The following CAST variants were observed in gnomAD, a reference collection of about 807,000 sequenced individuals.
CAST encodes MIR583 host.
In CAST, 76 loss-of-function variants were observed where a neutral mutation model predicts 119.6. The observed-to-expected ratio is 0.64, with a 90% CI of 0.53 to 0.77. The LOEUF (loss-of-function observed/expected upper bound fraction) is 0.77. CAST is among the 30% of genes least tolerant of loss of function. CAST has a pLI of 0.00. For synonymous variants in CAST, 319 were observed against 331.6 expected, an observed-to-expected ratio of 0.96 and a Z score of 0.41; for missense variants, 953 against 946.5, an observed-to-expected ratio of 1.01 and a Z score of -0.09.
the CAST span, among the ~76,000 whole-genome samples, chr5:96,368,990 T>C: frequency 6.6e-6 from 1 of 152,030 alleles, no homozygotes; most frequent in Non-Finnish European, 1.5e-5. Context: ...CTTTTCTTTG[T>C]GGTTAGAATT....
upstream of CAST, among the ~76,000 whole-genome samples, chr5:96,523,781 C>T (rs975292988): frequency 2.0e-5 from 3 of 152,238 alleles, no homozygotes; most frequent in Admixed American, 1.3e-4. Flanking sequence ...TGCATTCCAG[C>T]CACCAGGAAA....
At chr5:96,348,985 C>A in the CAST span, among the ~76,000 whole-genome samples, 1 of 151,920 alleles carries the variant, frequency 6.6e-6, no homozygotes, top group Non-Finnish European at 1.5e-5. Context: ...GCTGGGGTTT[C>A]TGAAGAGTAA....
the CAST span, among the ~76,000 whole-genome samples, chr5:95,987,999 C>T: frequency 1.2e-4 from 18 of 152,188 alleles, no homozygotes; most frequent in African/African-American, 4.1e-4. Context: ...ACAGGATCTA[C>T]TTTACTAAGA....
the CAST span, among the ~76,000 whole-genome samples, chr5:96,421,533 G>C: frequency 6.6e-6 from 1 of 152,186 alleles, no homozygotes; most frequent in South Asian, 2.1e-4. Flanking sequence ...AAAGCATGTT[G>C]CTAAGAGTAA....
At chr5:96,754,025 C>T in intron 20 of CAST, 35 bp from the exon 21 acceptor site, 2 of 1,229,574 alleles carry the variant, frequency 1.6e-6, no homozygotes, top group Admixed American at 1.7e-5. Flanking sequence ...GAGTGATTAA[C>T]CACCTACTTA....
the CAST span, among the ~76,000 whole-genome samples, chr5:95,998,473 C>T: frequency 1.3e-5 from 2 of 152,098 alleles, no homozygotes; most frequent in African/African-American, 4.8e-5. Flanking sequence ...CCATGTACCC[C>T]AGTCCTTAGC....
At chr5:96,597,913 A>C (rs1225031947) in intron 1 of CAST, among the ~76,000 whole-genome samples, 1 of 148,966 alleles carries the variant, frequency 6.7e-6, no homozygotes, top group Non-Finnish European at 1.5e-5. Flanking sequence ...AAGAAAAGAA[A>C]GGGGGAGAGA....
intron 1 of CAST, among the ~76,000 whole-genome samples, chr5:96,573,046 C>T (rs897402651): frequency 1.3e-5 from 2 of 152,170 alleles, no homozygotes; most frequent in African/African-American, 4.8e-5. Context: ...AAGGACAAAG[C>T]TATGATACTG....
At chr5:96,150,798 G>A in the CAST span, among the ~76,000 whole-genome samples, 1 of 152,188 alleles carries the variant, frequency 6.6e-6, no homozygotes, top group African/African-American at 2.4e-5. Flanking sequence ...GCCTGGCAAA[G>A]CAGCTGTGGG....
intron 1 of CAST, among the ~76,000 whole-genome samples, chr5:96,565,001 C>G (rs997318336): frequency 2.0e-5 from 3 of 151,552 alleles, no homozygotes; most frequent in African/African-American, 7.3e-5. Flanking sequence ...CCTTAGTTTA[C>G]TTTTTTAATT....
rs745310891 is a variant in CAST, at chr5:96,690,196, A to T, written c.139-5640A>T. ...ATAGTGGGTGTTATTAAGGGCCTAGAACATGGGACATTTCATTCAGTATGT... is the reference window on the plus strand; with the variant it reads ...ATAGTGGGTGTTATTAAGGGCCTAGTACATGGGACATTTCATTCAGTATGT... On this transcript the variant is annotated intron_variant, in intron 2 of 31. Coordinates refer to ENST00000675179, the MANE Select transcript of CAST (RefSeq NM_001750.7). Among the ~76,000 whole-genome samples, 10 of 152,312 alleles carry T rather than the reference A, an allele frequency of 6.6e-5. 1 individual carries two copies. The highest frequency in any genetic ancestry group is 2.4e-4 in the African/African-American group (10 of 41,568).
At chr5:96,580,636 G>A (rs937798808) in intron 1 of CAST, among the ~76,000 whole-genome samples, 1 of 152,172 alleles carries the variant, frequency 6.6e-6, no homozygotes, top group South Asian at 2.1e-4. Flanking sequence ...TGGTTATGTT[G>A]GTCAATGGAT....
chr5:96,175,544 A>G, the CAST span, among the ~76,000 whole-genome samples: 1 of 152,236 alleles, frequency 6.6e-6, no homozygotes, highest in South Asian at 2.1e-4. Flanking sequence ...TCAAAGAGAT[A>G]GACATGTAAT....
chr5:96,454,660 T>C, the CAST span, among the ~76,000 whole-genome samples: 1 of 152,232 alleles, frequency 6.6e-6, no homozygotes, highest in Admixed American at 6.5e-5. Context: ...CCTTCCTTGG[T>C]AAATTAAGCT....
chr5:96,446,956 G>C, the CAST span, among the ~76,000 whole-genome samples: 3 of 152,326 alleles, frequency 2.0e-5, no homozygotes, highest in African/African-American at 7.2e-5. Context: ...GGGAGGAAAG[G>C]TAGGATCCTA....
chr5:96,418,763 A>G, the CAST span, among the ~76,000 whole-genome samples: 1 of 152,176 alleles, frequency 6.6e-6, no homozygotes, highest in South Asian at 2.1e-4. Flanking sequence ...CTTCTGATAA[A>G]TGATAAGGAT....
At chr5:96,163,214 C>T in the CAST span, among the ~76,000 whole-genome samples, 1 of 152,078 alleles carries the variant, frequency 6.6e-6, no homozygotes, top group Non-Finnish European at 1.5e-5. Flanking sequence ...CTTTTTATTT[C>T]TAGAGGATCA....
intron 1 of CAST, among the ~76,000 whole-genome samples, chr5:96,622,644 A>C (rs954522174): frequency 6.6e-6 from 1 of 152,172 alleles, no homozygotes; most frequent in Admixed American, 6.5e-5. Flanking sequence ...GAGTTTTGCT[A>C]GTATTGGAGA....
intron 1 of CAST, among the ~76,000 whole-genome samples, chr5:96,545,591 A>C (rs1404297166): frequency 6.6e-6 from 1 of 152,224 alleles, no homozygotes; most frequent in Non-Finnish European, 1.5e-5. Flanking sequence ...TAGTGATGCC[A>C]TATCAGGGCT....
Sources: gnomAD v4.1 joint callset for allele counts (sites outside exome capture counted in the v4.1 genomes callset) on GRCh38, gnomAD v4.1.1 for gene constraint, MANE v1.5 for transcripts, NCBI Gene and HGNC (gene_info 2026-07-23, HGNC 2026-07-21) for gene names.